Variants in TBC1D22B observed in about 807,000 individuals in gnomAD.
TBC1D22B encodes the protein chromosome 6 open reading frame 197.
In TBC1D22B, 32 loss-of-function variants were observed where a neutral mutation model predicts 69.1. The ratio of observed to expected loss-of-function variants is 0.46; its 90% confidence interval spans 0.35 to 0.62. TBC1D22B has a LOEUF of 0.62. Ranked by LOEUF, TBC1D22B falls within the 20% of genes least tolerant of loss-of-function variation. The pLI is 0.00. For synonymous variants in TBC1D22B, 206 were observed against 229.8 expected, an observed-to-expected ratio of 0.90 and a Z score of 0.94; for missense variants, 462 against 630.9, an observed-to-expected ratio of 0.73 and a Z score of 2.87.
Position 37,330,222 on chromosome 6 carries a change from C to CTTTTTTTTTTTTTTT in TBC1D22B, c.1390-801_1390-787dup, listed in dbSNP as rs67372032. ...GATGTTATAAATATTTTGTCCGTTTCTTTTTTTTTTTTTTTTTTTTTTTTT... is the reference window on the plus strand; with the variant it reads ...GATGTTATAAATATTTTGTCCGTTTCTTTTTTTTTTTTTTTTTTTTTTTTTTTTTTTTTTTTTTTT... On this transcript the variant is annotated intron_variant, in intron 12 of 12. Transcript: ENST00000373491. Among the ~76,000 whole-genome samples, 3 of 75,582 alleles carry CTTTTTTTTTTTTTTT rather than the reference C, an allele frequency of 4.0e-5. 1 individual carries two copies. Among genetic ancestry groups the CTTTTTTTTTTTTTTT allele is most frequent in the Non-Finnish European group, 7.2e-5 (3 of 41,574 alleles). The allele number at this position is 75,582 out of a possible 152,430, so 49.6% of individuals were successfully genotyped here.
intron 2 of TBC1D22B, among the ~76,000 whole-genome samples, chr6:37,275,105 C>T (rs944741727): frequency 1.3e-5 from 2 of 152,092 alleles, no homozygotes; most frequent in African/African-American, 4.8e-5. Flanking sequence ...CTGTGGCATT[C>T]TTTTACATTG....
chr6:37,328,762 C>T (rs195408), intron 12 of TBC1D22B, among the ~76,000 whole-genome samples: 38,606 of 151,818 alleles, frequency 0.25, 6,531 homozygotes, highest in African/African-American at 0.48. Context: ...CACAGAGTAG[C>T]TTCACCCAGG....
At chr6:37,300,574 C>T (rs973840458) in intron 8 of TBC1D22B, among the ~76,000 whole-genome samples, 3 of 151,990 alleles carry the variant, frequency 2.0e-5, no homozygotes, top group African/African-American at 7.2e-5. Flanking sequence ...GCTGGCCAGG[C>T]TGGTCTGGAA....
chr6:37,300,982 CT>C (rs377564128), intron 8 of TBC1D22B, among the ~76,000 whole-genome samples: 1,718 of 152,254 alleles, frequency 0.011, 35 homozygotes, highest in African/African-American at 0.038. Context: ...CCCCTTCCCC[CT>C]ATCCCCTGGC....
chr6:37,306,778 T>C (rs951186623), intron 8 of TBC1D22B, among the ~76,000 whole-genome samples: 1 of 152,240 alleles, frequency 6.6e-6, no homozygotes, highest in African/African-American at 2.4e-5. Flanking sequence ...TGTATTATTC[T>C]GAGTTAATAG....
At chr6:37,300,297 C>A (rs973954887) in intron 8 of TBC1D22B, among the ~76,000 whole-genome samples, 23 of 151,638 alleles carry the variant, frequency 1.5e-4, no homozygotes, top group Non-Finnish European at 8.8e-5. Context: ...CCATTTCTAT[C>A]CAGTACCACA....
At chr6:37,310,521 AG>A (rs1237706034) in intron 8 of TBC1D22B, among the ~76,000 whole-genome samples, 2 of 152,150 alleles carry the variant, frequency 1.3e-5, no homozygotes, top group Non-Finnish European at 2.9e-5. Context: ...ATACAAAATT[AG>A]CCAGGCATAG....
chr6:37,274,525 C>A (rs1340660023), intron 2 of TBC1D22B, among the ~76,000 whole-genome samples: 1 of 152,120 alleles, frequency 6.6e-6, no homozygotes, highest in African/African-American at 2.4e-5. Context: ...TTTTTCTTTG[C>A]CGCTTACCAT....
chr6:37,317,201 T>G lies in TBC1D22B; in HGVS notation c.1384T>G (p.Phe462Val). 1 of 1,566,192 alleles carries G rather than the reference T, an allele frequency of 6.4e-7. No homozygotes were observed. Among genetic ancestry groups the G allele is most frequent in the Non-Finnish European group, 8.7e-7 (1 of 1,153,510 alleles). Reference sequence around the variant, plus strand: ...GAAAGAGATCTTGGATGAGGAGGATTTTCAGGTGAGTGGCCAAGAGCTTAG... The same window carrying G: ...GAAAGAGATCTTGGATGAGGAGGATGTTCAGGTGAGTGGCCAAGAGCTTAG... ...WRKEILDEED[F>V]QGLLMLLQNL... is the part of the protein sequence containing the mutation. Residue 462 changes from phenylalanine to valine, a missense_variant, in exon 12 of 13, where the codon TTT becomes GTT. Coordinates refer to ENST00000373491, the MANE Select transcript of TBC1D22B (RefSeq NM_017772.4).
chr6:37,291,954 C>T (rs890641171), intron 8 of TBC1D22B, among the ~76,000 whole-genome samples: 5 of 152,180 alleles, frequency 3.3e-5, no homozygotes, highest in Admixed American at 3.3e-4. Context: ...GCCAGCCAGC[C>T]TAAGTTAAGC....
intron 8 of TBC1D22B, among the ~76,000 whole-genome samples, chr6:37,309,071 G>A (rs1348925010): frequency 1.3e-5 from 2 of 152,030 alleles, no homozygotes; most frequent in Admixed American, 1.3e-4. Context: ...AGGCACTGTT[G>A]TTAGCACTTT....
intron 2 of TBC1D22B, among the ~76,000 whole-genome samples, chr6:37,277,463 C>CTTTT (rs1163535035): frequency 7.5e-6 from 1 of 134,004 alleles, no homozygotes; most frequent in African/African-American, 2.8e-5. Flanking sequence ...TCCTATAGTT[C>CTTTT]TTTTTTTTTT....
intron 10 of TBC1D22B, among the ~76,000 whole-genome samples, chr6:37,315,382 C>A (rs932145713): frequency 2.0e-5 from 3 of 151,832 alleles, no homozygotes; most frequent in Non-Finnish European, 2.9e-5. Flanking sequence ...CATGGTGAGA[C>A]CCCATCTCTA....
chr6:37,279,605 A>T lies in TBC1D22B; in HGVS notation c.415A>T (p.Asn139Tyr). ...CAGCAGTGATGCCCAGCTGTCCAGA[A>T]ACTCTAGTAAGTCCTTCCTGCTCCC... ...KSSSDAQLSR[N>Y]SSDTCLRNPL... The change falls in exon 3 of 13, where the codon AAC (asparagine) becomes TAC (tyrosine). Residue 139 changes from asparagine to tyrosine, a missense_variant. Asn to Tyr is a moderately radical substitution (Grantham distance 143). Around this residue, in one of 2 missense-constraint regions of TBC1D22B, gnomAD observed 237 missense variants for 255.4 expected, o/e 0.93. Coordinates refer to ENST00000373491, the MANE Select transcript of TBC1D22B (RefSeq NM_017772.4). The T allele has an allele frequency of 6.2e-7, 1 of 1,609,228 alleles. No homozygotes were observed. Among genetic ancestry groups the T allele is most frequent in the South Asian group, 1.1e-5 (1 of 90,672 alleles).
intron 12 of TBC1D22B, among the ~76,000 whole-genome samples, chr6:37,329,169 TAAA>T (rs1768513420): frequency 6.6e-6 from 1 of 152,244 alleles, no homozygotes; most frequent in Admixed American, 6.5e-5. Flanking sequence ...CCCACTTCTC[TAAA>T]ATGTTTATGT....
At chr6:37,291,789 C>G (rs1767195509) in intron 8 of TBC1D22B, among the ~76,000 whole-genome samples, 1 of 152,146 alleles carries the variant, frequency 6.6e-6, no homozygotes, top group South Asian at 2.1e-4. Context: ...CAGAACACAG[C>G]ACATACGGGA....
At chr6:37,300,875 A>C (rs989426349) in intron 8 of TBC1D22B, among the ~76,000 whole-genome samples, 2 of 152,178 alleles carry the variant, frequency 1.3e-5, no homozygotes, top group African/African-American at 2.4e-5. Flanking sequence ...ACAGTATCGT[A>C]AGCTGTGGGC....
intron 12 of TBC1D22B, among the ~76,000 whole-genome samples, chr6:37,327,277 G>C (rs912298463): frequency 7.1e-6 from 1 of 140,126 alleles, no homozygotes; most frequent in Non-Finnish European, 1.5e-5. Context: ...AGGAGATCGA[G>C]ACCATCCTGG....
chr6:37,284,295 A>G lies in TBC1D22B; in HGVS notation c.673-41A>G, dbSNP rs748578459. On this transcript the variant is annotated intron_variant, in intron 5 of 12. Coordinates refer to ENST00000373491, the MANE Select transcript of TBC1D22B (RefSeq NM_017772.4). ...AAAATAAAAATTAAGGATTTATCCA[A>G]CCATTGTCTTTCCCCATCTGACCAG... 7.4e-6 allele frequency: 12 copies of G among 1,613,736 alleles called. No individual in the cohort carries two copies. In the African/African-American group the frequency reaches 1.6e-4, roughly 22 times the overall value.
Sources: allele counts gnomAD v4.1 joint callset (sites outside exome capture counted in the v4.1 genomes callset), GRCh38; gene constraint gnomAD v4.1.1; regional missense constraint gnomAD v4.1.1; transcripts MANE v1.5; gene names NCBI Gene and HGNC (gene_info 2026-07-23, HGNC 2026-07-21).